The following MTCH1 variants were observed in gnomAD, a reference collection of about 807,000 sequenced individuals.
MTCH1 encodes mitochondrial carrier 1.
MTCH1 carries 23 observed loss-of-function variants against 49.3 expected under a neutral mutation model. The ratio of observed to expected loss-of-function variants is 0.47; its 90% CI spans 0.34 to 0.66. The LOEUF is 0.66. Among genes scored for constraint, MTCH1 ranks in the 30% least tolerant of loss-of-function variants. The probability of loss-of-function intolerance (pLI) is 0.01; values close to 1 mark genes in which losing one functional copy is unlikely to be tolerated. For synonymous variants in MTCH1, 229 were observed against 215.2 expected (o/e 1.06, Z -0.56); for missense variants, 397 against 532.1 (o/e 0.75, Z 2.50).
chr6:36,972,918 G>A lies in MTCH1; in HGVS notation c.762-122C>T. ...AAATCTTAGCATATCCAATGGCACA[G>A]CCTTAGAAAGGAGGCCTGCAGGGTC... is the stretch of plus-strand genomic sequence containing the variant. On this transcript the variant is annotated intron_variant, in intron 7 of 11. Transcript: ENST00000373627. The surrounding 1 kb of genome is among the most constrained non-coding windows in gnomAD (Gnocchi z 4.1). 2.0e-6 allele frequency: 2 copies of A among 1,009,074 alleles called. No homozygotes were observed. The highest frequency in any genetic ancestry group is 2.9e-6 in the Non-Finnish European group (2 of 689,772). The allele number at this position is 1,009,074 out of a possible 1,614,324, so 62.5% of individuals were successfully genotyped here.
rs985621976 is a variant in MTCH1, at chr6:36,985,164, G to C, written c.321+689C>G. Among the ~76,000 whole-genome samples, 3 of 147,530 alleles carry C rather than the reference G, an allele frequency of 2.0e-5. No homozygotes were observed. In the Admixed American group the frequency reaches 2.1e-4, roughly 10 times the overall value. ...CCAGAGCCCCCATCTCCGGTAAACC[G>C]ATAGCATTCCCCTGCAAAAGTCTTT... On this transcript the variant is annotated intron_variant, in intron 1 of 11. Coordinates refer to ENST00000373627, the MANE Select transcript of MTCH1 (RefSeq NM_001271641.2).
rs1764129092 is a variant in MTCH1, at chr6:36,982,376, A to AT, written c.322-705dup. Among the ~76,000 whole-genome samples, 3 of 150,938 alleles carry AT rather than the reference A, an allele frequency of 2.0e-5. No homozygotes were observed. The highest frequency in any genetic ancestry group is 7.4e-5 in the African/African-American group (3 of 40,674). On this transcript the variant is annotated intron_variant, in intron 1 of 11. Coordinates refer to ENST00000373627, the MANE Select transcript of MTCH1 (RefSeq NM_001271641.2). This position sits in a 1 kb window ranked among gnomAD's most constrained non-coding sequence, Gnocchi z 4.1. Reference sequence around the variant, plus strand: ...GATGCTTCTTATATCTGAAATATTTATTTATTTATTTTTTTTTTTGAGATG... The same window carrying AT: ...GATGCTTCTTATATCTGAAATATTTATTTTATTTATTTTTTTTTTTGAGATG...
intron 1 of MTCH1, among the ~76,000 whole-genome samples, chr6:36,985,185 T>G (rs1764252432): frequency 6.6e-6 from 1 of 151,550 alleles, no homozygotes; most frequent in Non-Finnish European, 1.5e-5. Flanking sequence ...CCTGCAAAAG[T>G]CTTTGCCTTC....
intron 11 of MTCH1, chr6:36,969,659 C>T (rs1763603247): frequency 8.4e-7 from 1 of 1,195,996 alleles, no homozygotes; most frequent in African/African-American, 1.6e-5. Context: ...CCTAACAACC[C>T]AGGAACTCAG....
At position 36,986,076 on chromosome 6, in the gene MTCH1, G is replaced by C; in HGVS notation, c.98C>G (p.Ala33Gly). The C allele has an allele frequency of 7.0e-7, 1 of 1,430,204 alleles. No individual in the cohort carries two copies. Among genetic ancestry groups the C allele is most frequent in the South Asian group, 1.4e-5 (1 of 69,014 alleles). The allele number at this position is 1,430,204 out of a possible 1,614,324, so 88.6% of individuals were successfully genotyped here. A position where few individuals can be genotyped will look rare whatever the true frequency, so the allele number is the denominator to read the frequency against. The change falls in exon 1 of 12, where the codon GCG becomes GGG. Residue 33 changes from alanine to glycine, a missense_variant. This residue lies in a region of MTCH1 where 145 missense variants were observed against 143.8 expected (regional missense o/e 1.01). Coordinates refer to ENST00000373627, the MANE Select transcript of MTCH1 (RefSeq NM_001271641.2). ...GAGAGARGGA[A>G]AGVEARARDP... ...GCGAGCTCGAGCCTCGACCCCCGCC[G>C]CCGCTCCGCCGCGAGCTCCGGCTCC...
chr6:36,970,396 G>C lies in MTCH1; in HGVS notation c.1022+10C>G, dbSNP rs576551875. The stretch of plus-strand genomic sequence containing the variant: ...TAGGTAGAGTGGCAAGTAGAGGGGC[G>C]CACACCTACCCGCAGTTGTTCACAG... On this transcript the variant is annotated intron_variant, in intron 10 of 11. Transcript: ENST00000373627. 6.2e-7 allele frequency: 1 copy of C among 1,613,808 alleles called. No homozygotes were observed. Among genetic ancestry groups the C allele is most frequent in the African/African-American group, 1.3e-5 (1 of 74,926 alleles).
At chr6:36,980,481 C>T (rs187968362) in intron 2 of MTCH1, among the ~76,000 whole-genome samples, 39 of 152,354 alleles carry the variant, frequency 2.6e-4, no homozygotes, top group African/African-American at 6.7e-4. Context: ...CTCTCCACTA[C>T]GCTGACAATT....
rs1014873361 is a variant in MTCH1 at position 36,986,003 on chromosome 6, C to A, written c.171G>T (p.Ala57=). Residue 57 remains alanine, a synonymous_variant, in exon 1 of 12, where the codon GCG becomes GCT. Coordinates refer to ENST00000373627, the MANE Select transcript of MTCH1 (RefSeq NM_001271641.2). ...HRAHPRHPRP[A]AQPSARRMDG... is the part of the protein sequence containing the mutation. ...CCATCCTGCGGGCCGAGGGCTGAGC[C>A]GCAGGCCGAGGGTGGCGAGGATGTG... 17 of 1,535,524 alleles carry A rather than the reference C, an allele frequency of 1.1e-5. No individual in the cohort carries two copies. The highest frequency in any genetic ancestry group is 2.0e-5 in the Admixed American group (1 of 49,930).
chr6:36,970,836 C>A, intron 8 of MTCH1, 142 bp from the exon 9 acceptor site: 1 of 964,848 alleles, frequency 1.0e-6, no homozygotes, highest in Non-Finnish European at 1.6e-6. Flanking sequence ...CTCACAGTCA[C>A]TGCCCAGAGA....
At position 36,982,820 on chromosome 6, in the gene MTCH1, G is replaced by A. The variant is rs570191757; in HGVS notation, c.322-1148C>T. Among the ~76,000 whole-genome samples, 8 of 152,376 alleles carry A rather than the reference G, an allele frequency of 5.3e-5. No individual in the cohort carries two copies. In the East Asian group the frequency reaches 1.5e-3, roughly 29 times the overall value. ...AAGGTGTCAAGGAGACCAGCACCTA[G>A]GTGGGGAGTGAGAAGGCTCCTTCCT... is the stretch of plus-strand genomic sequence containing the variant. On this transcript the variant is annotated intron_variant, in intron 1 of 11. Coordinates refer to ENST00000373627, the MANE Select transcript of MTCH1 (RefSeq NM_001271641.2). The surrounding 1 kb of genome is among the most constrained non-coding windows in gnomAD (Gnocchi z 4.1).
intron 1 of MTCH1, among the ~76,000 whole-genome samples, chr6:36,985,222 A>G (rs1764253464): frequency 6.6e-6 from 1 of 151,704 alleles, no homozygotes; most frequent in Non-Finnish European, 1.5e-5. Flanking sequence ...TTAAATCACA[A>G]TGCAACCCAA....
intron 1 of MTCH1, among the ~76,000 whole-genome samples, chr6:36,983,120 C>G (rs1458626970): frequency 6.6e-6 from 1 of 152,182 alleles, no homozygotes; most frequent in Non-Finnish European, 1.5e-5. Flanking sequence ...AGATGCCTAA[C>G]AGATTAATGA....
intron 11 of MTCH1, 36 bp from the exon 12 acceptor site, chr6:36,969,010 A>G: frequency 6.2e-7 from 1 of 1,610,474 alleles, no homozygotes; most frequent in Non-Finnish European, 8.5e-7. Flanking sequence ...AGTGAAAGGG[A>G]GGCCACGCTT....
rs1449784347 is a variant in MTCH1 at position 36,970,676 on chromosome 6, T to C, written c.925A>G (p.Ile309Val). 17 of 1,614,064 alleles carry C rather than the reference T, an allele frequency of 1.1e-5. No homozygotes were observed. Among genetic ancestry groups the C allele is most frequent in the Admixed American group, 1.7e-5 (1 of 60,008 alleles). ...PGSQFSQALA[I>V]RSYTKFVMGI... ...ATCACGAACTTGGTATAGCTCCGGA[T>C]GGCCAGGGCCTGGCTGAACTGAGGA... Residue 309 changes from isoleucine to valine, a missense_variant, in exon 9 of 12, where the codon ATC becomes GTC. Ile to Val is a conservative substitution (Grantham distance 29, BLOSUM62 3). Transcript: ENST00000373627.
intron 3 of MTCH1, 109 bp from the exon 4 acceptor site, chr6:36,978,264 T>C (rs1763962205): frequency 1.7e-5 from 18 of 1,049,008 alleles, no homozygotes; most frequent in South Asian, 1.6e-4. Context: ...GCAGTGTCTA[T>C]TGGCTGGGCC....
intron 7 of MTCH1, among the ~76,000 whole-genome samples, chr6:36,975,247 T>G (rs1351578764): frequency 6.6e-6 from 1 of 152,250 alleles, no homozygotes; most frequent in Non-Finnish European, 1.5e-5. Context: ...AAAAGCAATG[T>G]CAAACAGAAT....
In MTCH1 at chr6:36,977,526, T is replaced by C; in HGVS notation, c.649+108A>G. The C allele has an allele frequency of 1.3e-6, 1 of 784,898 alleles. No homozygotes were observed. Among genetic ancestry groups the C allele is most frequent in the South Asian group, 1.7e-5 (1 of 59,342 alleles). 48.6% of individuals were successfully genotyped at this position (784,898 alleles called of 1,614,324 possible). A position where few individuals can be genotyped will look rare whatever the true frequency, so the allele number is the denominator to read the frequency against. On this transcript the variant is annotated intron_variant, in intron 5 of 11. Transcript: ENST00000373627. This position sits in a 1 kb window ranked among gnomAD's most constrained non-coding sequence, Gnocchi z 5.4. ...GAATACCCCCAACCCCACTACCACT[T>C]CCCAACAGGTCTACGGCTGTCTATG...
At chr6:36,978,408 G>A in intron 3 of MTCH1, 97 bp downstream of exon 3, 1 of 1,267,958 alleles carries the variant, frequency 7.9e-7, no homozygotes, top group Middle Eastern at 1.9e-4. Context: ...AATGGTCTGG[G>A]AAGGAGGAGG....
chr6:36,986,281 G>T (rs1221359141), upstream of MTCH1: 1 of 1,073,828 alleles, frequency 9.3e-7, no homozygotes, highest in Non-Finnish European at 1.2e-6. Context: ...GGGGAGCTCG[G>T]GAGCGTGGTG....
Sources: gnomAD v4.1 joint callset for allele counts (sites outside exome capture counted in the v4.1 genomes callset) on GRCh38, gnomAD v4.1.1 for gene constraint, gnomAD v4.1.1 regional missense constraint, Gnocchi (gnomAD v3.1) non-coding constraint, MANE v1.5 for transcripts, NCBI Gene and HGNC (gene_info 2026-07-23, HGNC 2026-07-21) for gene names.